EML4: variants seen among roughly 807,000 people sequenced by gnomAD.
The protein encoded by EML4 is EMAP like 4.
Under a neutral mutation model 129.0 loss-of-function variants are expected in EML4, and 72 were observed. That is an observed-to-expected ratio of 0.56 (90% CI 0.46 to 0.68). EML4 has a LOEUF of 0.68. EML4 is among the 30% of genes least tolerant of loss of function. EML4 has a pLI of 0.00. For synonymous variants in EML4, 532 were observed against 405.0 expected (o/e 1.31, Z -3.77); for missense variants, 1,363 against 1,190.6 (o/e 1.14, Z -2.13).
chr2:42,252,680 T>A (rs1269202337), intron 2 of EML4, among the ~76,000 whole-genome samples: 1 of 152,096 alleles, frequency 6.6e-6, no homozygotes, highest in African/African-American at 2.4e-5. Flanking sequence ...ATACATACAC[T>A]CTCTTTGCTG....
intron 1 of EML4, among the ~76,000 whole-genome samples, chr2:42,225,045 A>G (rs1673867191): frequency 6.6e-6 from 1 of 152,116 alleles, no homozygotes; most frequent in African/African-American, 2.4e-5. Context: ...ACTTAGCATA[A>G]TGTTTTCAAA....
intron 1 of EML4, among the ~76,000 whole-genome samples, chr2:42,175,904 G>A (rs1384290766): frequency 6.6e-6 from 1 of 151,944 alleles, no homozygotes; most frequent in Non-Finnish European, 1.5e-5. Context: ...TAATGTACTT[G>A]TTCTTAGTCT....
chr2:42,179,108 C>T (rs1350668535), intron 1 of EML4, among the ~76,000 whole-genome samples: 1 of 152,042 alleles, frequency 6.6e-6, no homozygotes, highest in African/African-American at 2.4e-5. Context: ...ATAAATATCA[C>T]CAATGGATTT....
intron 1 of EML4, among the ~76,000 whole-genome samples, chr2:42,238,961 G>A (rs548680177): frequency 6.6e-6 from 1 of 152,104 alleles, no homozygotes; most frequent in East Asian, 1.9e-4. Flanking sequence ...TAGAGACAGG[G>A]TCACCCTAGG....
intron 16 of EML4, 28 bp from the exon 17 acceptor site, chr2:42,304,456 C>T (rs1348029721): frequency 1.2e-6 from 2 of 1,601,220 alleles, no homozygotes; most frequent in East Asian, 4.5e-5. Flanking sequence ...CTCATGTACT[C>T]CCCAACAGCT....
At chr2:42,281,005 T>C (rs1268816732) in intron 7 of EML4, 32 bp downstream of exon 7, 1 of 1,528,354 alleles carries the variant, frequency 6.5e-7, no homozygotes, top group East Asian at 2.3e-5. Flanking sequence ...GCAAATTCAT[T>C]TGCTTTGTCT....
At chr2:42,228,956 T>A (rs901999393) in intron 1 of EML4, among the ~76,000 whole-genome samples, 7 of 152,194 alleles carry the variant, frequency 4.6e-5, no homozygotes, top group African/African-American at 1.7e-4. Flanking sequence ...TCCAATTTAG[T>A]CCATTTTTAA....
At chr2:42,180,454 G>C (rs947869924) in intron 1 of EML4, among the ~76,000 whole-genome samples, 3 of 152,216 alleles carry the variant, frequency 2.0e-5, no homozygotes, top group Non-Finnish European at 2.9e-5. Flanking sequence ...TTCCATTCCA[G>C]ATGGTCTGTA....
chr2:42,182,512 C>G (rs1671008662), intron 1 of EML4, among the ~76,000 whole-genome samples: 1 of 152,122 alleles, frequency 6.6e-6, no homozygotes, highest in Admixed American at 6.5e-5. Flanking sequence ...CCAGAATGAC[C>G]TCCTTACACA....
chr2:42,245,489 T>C lies in EML4; in HGVS notation c.26-16T>C. The stretch of plus-strand genomic sequence containing the variant: ...AGTTTACTTAAAAATATTCCATATT[T>C]TATTTTATTTTATAGATGATAGTAT... On this transcript the variant is annotated splice_polypyrimidine_tract_variant and intron_variant, in intron 1 of 22. Transcript: ENST00000318522. 2 of 1,563,244 alleles carry C rather than the reference T, an allele frequency of 1.3e-6. No homozygotes were observed. Among genetic ancestry groups the C allele is most frequent in the Non-Finnish European group, 1.7e-6 (2 of 1,149,470 alleles).
chr2:42,266,952 A>G (rs759959295), intron 6 of EML4, among the ~76,000 whole-genome samples: 29 of 152,188 alleles, frequency 1.9e-4, no homozygotes, highest in Admixed American at 1.8e-3. Flanking sequence ...GCTTTGGACA[A>G]TTGCATTTGA....
At chr2:42,310,418 C>G (rs190570145) in intron 17 of EML4, among the ~76,000 whole-genome samples, 1 of 152,110 alleles carries the variant, frequency 6.6e-6, no homozygotes, top group East Asian at 1.9e-4. Flanking sequence ...AATCTCAGCT[C>G]ACTTGCAGCC....
intron 11 of EML4, among the ~76,000 whole-genome samples, chr2:42,294,393 A>T (rs1010499765): frequency 6.6e-6 from 1 of 152,196 alleles, no homozygotes; most frequent in African/African-American, 2.4e-5. Context: ...AATTAGTCCT[A>T]ATCTCTAAAC....
At chr2:42,306,441 A>G (rs1481935184) in intron 17 of EML4, among the ~76,000 whole-genome samples, 1 of 150,524 alleles carries the variant, frequency 6.6e-6, no homozygotes, top group Admixed American at 6.7e-5. Context: ...AATAAAAGTA[A>G]GAGATATCAT....
chr2:42,311,696 C>T (rs1668962848), intron 17 of EML4, among the ~76,000 whole-genome samples: 1 of 152,126 alleles, frequency 6.6e-6, no homozygotes, highest in South Asian at 2.1e-4. Context: ...TTCCCTTTCT[C>T]TAAAAAGGCA....
intron 1 of EML4, among the ~76,000 whole-genome samples, chr2:42,173,597 C>A (rs1195232068): frequency 6.6e-6 from 1 of 152,062 alleles, no homozygotes; most frequent in Non-Finnish European, 1.5e-5. Context: ...GCCTGTAGTC[C>A]CAGCACTTTG....
At chr2:42,268,459 G>T (rs891536691) in intron 6 of EML4, among the ~76,000 whole-genome samples, 1 of 152,036 alleles carries the variant, frequency 6.6e-6, no homozygotes, top group African/African-American at 2.4e-5. Context: ...TTTATTTAGA[G>T]ACAGGGTCTC....
intron 7 of EML4, among the ~76,000 whole-genome samples, chr2:42,282,138 C>G (rs1667045986): frequency 6.6e-6 from 1 of 150,852 alleles, no homozygotes; most frequent in African/African-American, 2.4e-5. Context: ...TCCTAGCAGT[C>G]TTTTTTTTAC....
At chr2:42,196,083 T>A (rs1488563139) in intron 1 of EML4, among the ~76,000 whole-genome samples, 1 of 152,190 alleles carries the variant, frequency 6.6e-6, no homozygotes, top group Non-Finnish European at 1.5e-5. Context: ...AATTTTGGAA[T>A]CAGAGAGATT....
Sources: allele counts gnomAD v4.1 joint callset (sites outside exome capture counted in the v4.1 genomes callset), GRCh38; gene constraint gnomAD v4.1.1; transcripts MANE v1.5; gene names NCBI Gene and HGNC (gene_info 2026-07-23, HGNC 2026-07-21).